ANK2: variants seen among roughly 807,000 people sequenced by gnomAD.
ANK2 encodes ankyrin 2, also known as ankyrin-2.
A neutral mutation model predicts 360.5 loss-of-function variants in ANK2; 83 were observed. The observed-to-expected ratio is 0.23, with a 90% CI of 0.19 to 0.28. The LOEUF is 0.28. Among genes scored for constraint, ANK2 ranks in the 10% least tolerant of loss-of-function variants. The probability of loss-of-function intolerance (pLI) is 1.00; values close to 1 mark genes in which losing one functional copy is unlikely to be tolerated. For missense variants in ANK2, 4,201 were observed against 4,795.7 expected, an observed-to-expected ratio of 0.88 and a Z score of 3.66; for synonymous variants, 1,740 against 1,759.5, an observed-to-expected ratio of 0.99 and a Z score of 0.28.
intron 2 of ANK2, among the ~76,000 whole-genome samples, chr4:113,041,908 G>A (rs1402827911): frequency 1.3e-5 from 2 of 152,016 alleles, no homozygotes; most frequent in Admixed American, 6.6e-5. Context: ...CTCCTTAAGG[G>A]CACAAATCTC....
intron 26 of ANK2, among the ~76,000 whole-genome samples, chr4:113,325,229 T>G (rs959183633): frequency 2.6e-5 from 4 of 152,222 alleles, no homozygotes; most frequent in Non-Finnish European, 5.9e-5. Flanking sequence ...ACACATTTTC[T>G]GCAAAACAGC....
chr4:113,265,019 C>G (rs201869591), intron 14 of ANK2, 24 bp downstream of exon 14: 1 of 1,548,702 alleles, frequency 6.5e-7, no homozygotes, highest in South Asian at 1.2e-5. Flanking sequence ...CCCTGAGGTT[C>G]TCTTCTATCG....
chr4:112,904,712 A>G lies in ANK2; in HGVS notation c.21+198A>G, dbSNP rs79146621. On this transcript the variant is annotated intron_variant, in intron 2 of 30. Transcript: ENST00000503271. ...TCTTTCTGTAGTCTAGGCAATTATCATTGGTATCATTTGGGAATGAAAAGG... is the reference window on the plus strand; with the variant it reads ...TCTTTCTGTAGTCTAGGCAATTATCGTTGGTATCATTTGGGAATGAAAAGG... 8.3e-4 allele frequency among the ~76,000 whole-genome samples: 127 copies of G among 152,250 alleles called. 2 individuals are homozygous for G. The East Asian group carries it at 0.023, about 27-fold the overall frequency.
chr4:113,073,771 C>T (rs981337078), intron 1 of ANK2, among the ~76,000 whole-genome samples: 6 of 152,166 alleles, frequency 3.9e-5, no homozygotes, highest in African/African-American at 1.4e-4. Context: ...ACGGCTGCCA[C>T]GCCACGGAAA....
At chr4:113,303,968 G>A (rs1219614849) in intron 23 of ANK2, among the ~76,000 whole-genome samples, 1 of 152,156 alleles carries the variant, frequency 6.6e-6, no homozygotes, top group Non-Finnish European at 1.5e-5. Context: ...GAACCAACTT[G>A]TTGAATCACC....
rs774848857 is a variant in ANK2, at chr4:113,242,131, T to C, written c.813T>C (p.His271=). 6.1e-5 allele frequency: 99 copies of C among 1,613,848 alleles called. 1 individual carries two copies. The East Asian group carries it at 1.2e-3, about 20-fold the overall frequency. Residue 271 remains histidine (H), a synonymous_variant, in exon 9 of 46, where the codon CAT becomes CAC. Transcript: ENST00000357077. ...TGTAGAATGGAATCACTCCTCTGCA[T>C]GTGGCTTCCAAAAGAGGAAATACAA... is the stretch of plus-strand genomic sequence containing the variant. ...FTARNGITPL[H]VASKRGNTNM...
At chr4:112,758,706 C>T in the ANK2 span, among the ~76,000 whole-genome samples, 48 of 152,318 alleles carry the variant, frequency 3.2e-4, 1 homozygote, top group East Asian at 6.8e-3. Flanking sequence ...TGAGCCACTG[C>T]GCCTGGCACA....
At chr4:112,975,956 A>G (rs187456691) in intron 2 of ANK2, among the ~76,000 whole-genome samples, 68 of 152,278 alleles carry the variant, frequency 4.5e-4, no homozygotes, top group Admixed American at 1.4e-3. Context: ...AGAAAGCCTC[A>G]GTTGCCTAAG....
chr4:112,948,256 CA>C (rs563234358), intron 2 of ANK2, among the ~76,000 whole-genome samples: 1 of 151,460 alleles, frequency 6.6e-6, no homozygotes, highest in Non-Finnish European at 1.5e-5. Context: ...TGCCTATTTA[CA>C]AAAAAAACAG....
upstream of ANK2, among the ~76,000 whole-genome samples, chr4:112,815,823 CG>C (rs2149483088): frequency 6.6e-6 from 1 of 152,318 alleles, no homozygotes; most frequent in South Asian, 2.1e-4. Flanking sequence ...TCAAACACCA[CG>C]GGGACAGAAG....
chr4:112,928,532 T>G (rs1241914413), intron 2 of ANK2, among the ~76,000 whole-genome samples: 1 of 152,082 alleles, frequency 6.6e-6, no homozygotes, highest in East Asian at 1.9e-4. Context: ...CCTCAGTACT[T>G]TAGAATGTGG....
intron 9 of ANK2, among the ~76,000 whole-genome samples, chr4:113,247,224 A>C (rs1198601612): frequency 2.0e-5 from 3 of 152,074 alleles, no homozygotes; most frequent in Non-Finnish European, 4.4e-5. Flanking sequence ...AAAACCCATA[A>C]CCTGCAACTA....
intron 2 of ANK2, among the ~76,000 whole-genome samples, chr4:113,186,343 G>A (rs1172572589): frequency 6.6e-6 from 1 of 151,996 alleles, no homozygotes; most frequent in Non-Finnish European, 1.5e-5. Context: ...CAAACAGAAA[G>A]GAATAGCATC....
At position 112,955,231 on chromosome 4, in the gene ANK2, C is replaced by A. The variant is rs1248082799; in HGVS notation, c.21+50717C>A. Among the ~76,000 whole-genome samples the A allele has an allele frequency of 2.0e-5, 3 of 151,950 alleles. 1 individual carries two copies. The highest frequency in any genetic ancestry group is 4.2e-4 in the South Asian group (2 of 4,808). On this transcript the variant is annotated intron_variant, in intron 2 of 30. Coordinates refer to the ANK2 transcript ENST00000503271. ...TTTATCTTTTTTAATTTAAAAAGGTCAATTATTACTTTTATAATAAAAATA... is the reference window on the plus strand; with the variant it reads ...TTTATCTTTTTTAATTTAAAAAGGTAAATTATTACTTTTATAATAAAAATA...
In ANK2 at chr4:113,339,291, T is replaced by C; in HGVS notation, c.3862T>C (p.Cys1288Arg). The change falls in exon 32 of 46, where the codon TGT becomes CGT. Residue 1288 changes from cysteine (C) to arginine (R), a missense_variant. Physicochemically the swap from Cys to Arg is radical, Grantham distance 180. This residue lies in a region of ANK2 where 1,268 missense variants were observed against 1,650.8 expected (regional missense o/e 0.77). Transcript: ENST00000357077. ...TACGCCATTAACATTTGTCAATGAATGTGTTTCCTTTACAACAAACGTGTC... is the reference window on the plus strand; with the variant it reads ...TACGCCATTAACATTTGTCAATGAACGTGTTTCCTTTACAACAAACGTGTC... The part of the protein sequence containing the change: ...GTTPLTFVNE[C>R]VSFTTNVSAR... 1.2e-6 allele frequency: 2 copies of C among 1,614,072 alleles called. No homozygotes were observed. The highest frequency in any genetic ancestry group is 1.7e-6 in the Non-Finnish European group (2 of 1,179,984).
chr4:113,333,951 A>G (rs996438158), intron 29 of ANK2, among the ~76,000 whole-genome samples: 1 of 152,198 alleles, frequency 6.6e-6, no homozygotes, highest in African/African-American at 2.4e-5. Flanking sequence ...TGCACAGAGA[A>G]AAGGTCCTAG....
At chr4:113,290,631 T>C (rs1311223781) in intron 20 of ANK2, among the ~76,000 whole-genome samples, 1 of 152,164 alleles carries the variant, frequency 6.6e-6, no homozygotes, top group Admixed American at 6.5e-5. Flanking sequence ...GCTCTTCAAT[T>C]AGAAAAACAA....
intron 2 of ANK2, among the ~76,000 whole-genome samples, chr4:112,943,578 G>T (rs1292449592): frequency 1.3e-5 from 2 of 151,820 alleles, no homozygotes; most frequent in Non-Finnish European, 2.9e-5. Flanking sequence ...TTTCTGTATG[G>T]TTCTGTCTCC....
rs1424453889 is a variant in ANK2 at position 113,358,595 on chromosome 4, C to G, written c.9977C>G (p.Ser3326Cys). The change falls in exon 38 of 46, where the codon TCT becomes TGT. Residue 3326 changes from serine to cysteine, a missense_variant. This residue lies in a region of ANK2 where 2,642 missense variants were observed against 2,714.5 expected (regional missense o/e 0.97). Coordinates refer to ENST00000357077, the MANE Select transcript of ANK2 (RefSeq NM_001148.6). The stretch of plus-strand genomic sequence containing the variant: ...TCTGCAGAGTATGAGAGTTCAGTTT[C>G]TGAAGATTTTCTATCCAGTGTAGAT... ...PPSAEYESSV[S>C]EDFLSSVDEE... The G allele has an allele frequency of 6.2e-7, 1 of 1,614,060 alleles. No individual in the cohort carries two copies. Among genetic ancestry groups the G allele is most frequent in the South Asian group, 1.1e-5 (1 of 91,080 alleles).
Sources: allele counts gnomAD v4.1 joint callset (sites outside exome capture counted in the v4.1 genomes callset), GRCh38; gene constraint gnomAD v4.1.1; regional missense constraint gnomAD v4.1.1; transcripts MANE v1.5; gene names NCBI Gene and HGNC (gene_info 2026-07-23, HGNC 2026-07-21).